Variants in BHLHE23 observed in about 807,000 individuals in gnomAD.
BHLHE23 encodes the protein class E basic helix-loop-helix protein 23.
For missense variants in BHLHE23, 401 were observed against 380.0 expected (o/e 1.06, Z -0.46); for synonymous variants, 204 against 184.4 (o/e 1.11, Z -0.86).
chr20:63,006,548 T>G lies in BHLHE23; in HGVS notation c.227A>C (p.Gln76Pro). 1 of 1,286,842 alleles carries G rather than the reference T, an allele frequency of 7.8e-7. No homozygotes were observed. Among genetic ancestry groups the G allele is most frequent in the Non-Finnish European group, 9.8e-7 (1 of 1,023,538 alleles). 79.7% of individuals were successfully genotyped at this position (1,286,842 alleles called of 1,614,324 possible). A position where few individuals can be genotyped will look rare whatever the true frequency, so the allele number is the denominator to read the frequency against. The change falls in exon 1 of 1, where the codon CAG (glutamine) becomes CCG (proline). Residue 76 changes from glutamine (Q) to proline (P), a missense_variant. By Grantham distance (76) the Gln-to-Pro change is moderately conservative. Transcript: ENST00000612929. ...PAAPAPRAPA[Q>P]AAESSGEQSG... ...CTGTTCGCCGCTGCTCTCCGCCGCC[T>G]GAGCTGGGGCGCGAGGTGCAGGCGC...
Position 63,005,927 on chromosome 20 carries a change from A to C in BHLHE23, c.*122T>G. On this transcript the variant is annotated 3_prime_UTR_variant, in exon 1 of 1. Transcript: ENST00000612929. ...AAACTGTCCACCGCGCACAGGCTGG[A>C]AGCGAAGTCGGGCCCCCTCCTCCTG... 7.1e-7 allele frequency: 1 copy of C among 1,404,592 alleles called. No homozygotes were observed. Among genetic ancestry groups the C allele is most frequent in the Non-Finnish European group, 9.2e-7 (1 of 1,085,756 alleles). The allele number at this position is 1,404,592 out of a possible 1,614,324, so 87.0% of individuals were successfully genotyped here. A position where few individuals can be genotyped will look rare whatever the true frequency, so the allele number is the denominator to read the frequency against.
At position 63,006,076 on chromosome 20, in the gene BHLHE23, A is replaced by G. The variant is rs758360728; in HGVS notation, c.699T>C (p.Leu233=). The change falls in exon 1 of 1, where the codon CTT becomes CTC. Residue 233 remains leucine, a synonymous_variant. Coordinates refer to ENST00000612929, the MANE Select transcript of BHLHE23 (RefSeq NM_080606.4). ...CAAFSGTPSA[L]CKHCHEKP ...ACGGCTTCTCGTGACAGTGTTTGCA[A>G]AGCGCGGAGGGCGTCCCGGAGAAGG... is the stretch of plus-strand genomic sequence containing the variant. 6.5e-7 allele frequency: 1 copy of G among 1,539,776 alleles called. No homozygotes were observed. The highest frequency in any genetic ancestry group is 8.7e-7 in the Non-Finnish European group (1 of 1,145,304).
chr20:63,006,494 T>G lies in BHLHE23; in HGVS notation c.281A>C (p.Gln94Pro). 2 of 1,327,004 alleles carry G rather than the reference T, an allele frequency of 1.5e-6. No homozygotes were observed. The highest frequency in any genetic ancestry group is 4.3e-5 in the South Asian group (2 of 46,822). The allele number at this position is 1,327,004 out of a possible 1,614,324, so 82.2% of individuals were successfully genotyped here. A position where few individuals can be genotyped will look rare whatever the true frequency, so the allele number is the denominator to read the frequency against. The change falls in exon 1 of 1, where the codon CAG (glutamine) becomes CCG (proline). Residue 94 changes from glutamine to proline, a missense_variant. Physicochemically the swap from Gln to Pro is moderately conservative, Grantham distance 76 (BLOSUM62 -1). Coordinates refer to ENST00000612929, the MANE Select transcript of BHLHE23 (RefSeq NM_080606.4). The part of the protein sequence containing the change: ...QSGDEDDAFE[Q>P]RRRRRGPGSA... ...CCCTGGCCCGCGCCGCCGCCGCCGC[T>G]GCTCGAAGGCGTCGTCCTCGTCCCC...
At position 63,006,606 on chromosome 20, in the gene BHLHE23, C is replaced by G; in HGVS notation, c.169G>C (p.Gly57Arg). The part of the protein sequence containing the change: ...AREPEAARGY[G>R]TPGPGGDLPA... ...AGGTCGCCGCCCGGGCCCGGAGTGC[C>G]GTAGCCGCGGGCCGCTTCGGGTTCT... Residue 57 changes from glycine (G) to arginine (R), a missense_variant, in exon 1 of 1, where the codon GGC (glycine) becomes CGC (arginine). Gly to Arg is a moderately radical substitution (Grantham distance 125, BLOSUM62 -2). Coordinates refer to ENST00000612929, the MANE Select transcript of BHLHE23 (RefSeq NM_080606.4). 7.5e-7 allele frequency: 1 copy of G among 1,339,378 alleles called. No individual in the cohort carries two copies. Among genetic ancestry groups the G allele is most frequent in the Non-Finnish European group, 9.6e-7 (1 of 1,045,644 alleles). The allele number at this position is 1,339,378 out of a possible 1,614,324, so 83.0% of individuals were successfully genotyped here. A position where few individuals can be genotyped will look rare whatever the true frequency, so the allele number is the denominator to read the frequency against.
chr20:63,006,028 G>A lies in BHLHE23; in HGVS notation c.*21C>T, dbSNP rs1363873579. 12 of 1,495,820 alleles carry A rather than the reference G, an allele frequency of 8.0e-6. No individual in the cohort carries two copies. Among genetic ancestry groups the A allele is most frequent in the Non-Finnish European group, 1.1e-5 (12 of 1,128,122 alleles). 92.7% of individuals were successfully genotyped at this position (1,495,820 alleles called of 1,614,324 possible). A position where few individuals can be genotyped will look rare whatever the true frequency, so the allele number is the denominator to read the frequency against. On this transcript the variant is annotated 3_prime_UTR_variant, in exon 1 of 1. Transcript: ENST00000612929. ...AGGGGCGATCGGAGGACGCGTGCGG[G>A]AGGGCCGGGGGCCCGCGCGGTCACG...
In BHLHE23 at chr20:63,006,626, G is replaced by C. The variant is rs1325271258; in HGVS notation, c.149C>G (p.Pro50Arg). The change falls in exon 1 of 1, where the codon CCC becomes CGC. Residue 50 changes from proline to arginine, a missense_variant. By Grantham distance (103) the Pro-to-Arg change is moderately radical. Coordinates refer to ENST00000612929, the MANE Select transcript of BHLHE23 (RefSeq NM_080606.4). The stretch of plus-strand genomic sequence containing the variant: ...AGTGCCGTAGCCGCGGGCCGCTTCG[G>C]GTTCTCGCGCCGCCCCGTAGGCGAG... ...AGLAYGAARE[P>R]EAARGYGTPG... 1 of 1,349,912 alleles carries C rather than the reference G, an allele frequency of 7.4e-7. No individual in the cohort carries two copies. The highest frequency in any genetic ancestry group is 9.5e-7 in the Non-Finnish European group (1 of 1,050,532). The allele number at this position is 1,349,912 out of a possible 1,614,324, so 83.6% of individuals were successfully genotyped here.
chr20:63,006,889 C>T lies in BHLHE23; in HGVS notation c.-115G>A, dbSNP rs2065794237. ...GCCTGCGGGTCCCAGAGCCTCGGCG[C>T]CCGCTGCCTCCTCCGCCTCTTCCTT... On this transcript the variant is annotated 5_prime_UTR_variant, in exon 1 of 1. Transcript: ENST00000612929. The T allele has an allele frequency of 7.4e-6, 9 of 1,221,018 alleles. No homozygotes were observed. Among genetic ancestry groups the T allele is most frequent in the Middle Eastern group, 3.2e-4 (1 of 3,158 alleles). 75.6% of individuals were successfully genotyped at this position (1,221,018 alleles called of 1,614,324 possible). A position where few individuals can be genotyped will look rare whatever the true frequency, so the allele number is the denominator to read the frequency against.
At position 63,006,472 on chromosome 20, in the gene BHLHE23, T is replaced by C; in HGVS notation, c.303A>G (p.Pro101=). The part of the protein sequence containing the change: ...AFEQRRRRRG[P]GSAADGRRRP... ...GCCGCCGCCCGTCCGCCGCGCTCCCTGGCCCGCGCCGCCGCCGCCGCTGCT... is the reference window on the plus strand; with the variant it reads ...GCCGCCGCCCGTCCGCCGCGCTCCCCGGCCCGCGCCGCCGCCGCCGCTGCT... The change falls in exon 1 of 1, where the codon CCA becomes CCG. Residue 101 remains proline (P), a synonymous_variant. Transcript: ENST00000612929. 7.4e-7 allele frequency: 1 copy of C among 1,343,196 alleles called. No homozygotes were observed. Among genetic ancestry groups the C allele is most frequent in the Non-Finnish European group, 9.4e-7 (1 of 1,058,388 alleles). 83.2% of individuals were successfully genotyped at this position (1,343,196 alleles called of 1,614,324 possible). A position where few individuals can be genotyped will look rare whatever the true frequency, so the allele number is the denominator to read the frequency against.
chr20:63,006,830 A>T lies in BHLHE23; in HGVS notation c.-56T>A. 4.1e-6 allele frequency: 5 copies of T among 1,232,418 alleles called. No homozygotes were observed. The highest frequency in any genetic ancestry group is 5.1e-6 in the Non-Finnish European group (5 of 987,364). 76.3% of individuals were successfully genotyped at this position (1,232,418 alleles called of 1,614,324 possible). On this transcript the variant is annotated 5_prime_UTR_variant, in exon 1 of 1. Transcript: ENST00000612929. ...GCCCGCCGCTGCCGCTGCCGCTGCGATGAGGCTCCCGGCTCTGCGCGTCGG... is the reference window on the plus strand; with the variant it reads ...GCCCGCCGCTGCCGCTGCCGCTGCGTTGAGGCTCCCGGCTCTGCGCGTCGG...
chr20:63,006,695 G>T lies in BHLHE23; in HGVS notation c.80C>A (p.Ala27Glu), dbSNP rs756657572. Residue 27 changes from alanine (A) to glutamate (E), a missense_variant, in exon 1 of 1, where the codon GCG becomes GAG. Transcript: ENST00000612929. ...MAELKSLSGD[A>E]YLALSHGYAA... ...GTAGCCGTGGCTTAGTGCCAGGTAC[G>T]CGTCCCCCGACAGCGACTTGAGCTC... The T allele has an allele frequency of 4.3e-5, 59 of 1,367,300 alleles. No homozygotes were observed. In the Middle Eastern group the frequency reaches 1.3e-3, roughly 31 times the overall value. 84.7% of individuals were successfully genotyped at this position (1,367,300 alleles called of 1,614,324 possible). A position where few individuals can be genotyped will look rare whatever the true frequency, so the allele number is the denominator to read the frequency against.
In BHLHE23 at chr20:63,006,124, C is replaced by T. The variant is rs572814191; in HGVS notation, c.651G>A (p.Gly217=). The T allele has an allele frequency of 2.6e-6, 4 of 1,547,994 alleles. No individual in the cohort carries two copies. Among genetic ancestry groups the T allele is most frequent in the African/African-American group, 1.4e-5 (1 of 73,124 alleles). Residue 217 remains glycine, a synonymous_variant, in exon 1 of 1, where the codon GGG becomes GGA. Coordinates refer to ENST00000612929, the MANE Select transcript of BHLHE23 (RefSeq NM_080606.4). ...AGGCGGCGCACTTGTCAGGGCAGGGCCCCAGGGCGGCGCCTGCGGAGAAGG... is the reference window on the plus strand; with the variant it reads ...AGGCGGCGCACTTGTCAGGGCAGGGTCCCAGGGCGGCGCCTGCGGAGAAGG... ...VCPFSAGAAL[G]PCPDKCAAFS... is the part of the protein sequence containing the mutation.
chr20:63,006,169 G>GAAGGGCGTC lies in BHLHE23; in HGVS notation c.597_605dup (p.Leu199_Pro201dup). 1.3e-6 allele frequency: 2 copies of GAAGGGCGTC among 1,564,216 alleles called. No individual in the cohort carries two copies. Among genetic ancestry groups the GAAGGGCGTC allele is most frequent in the South Asian group, 2.3e-5 (2 of 85,782 alleles). On this transcript the variant is annotated inframe_insertion, in exon 1 of 1. Coordinates refer to ENST00000612929, the MANE Select transcript of BHLHE23 (RefSeq NM_080606.4). Reference sequence around the variant, plus strand: ...AGAAGGGGCACACAGTGGCCTGGCCGAAGGGCGTCAAGGGCGCGGCGTTTA... The same window carrying GAAGGGCGTC: ...AGAAGGGGCACACAGTGGCCTGGCCGAAGGGCGTCAAGGGCGTCAAGGGCGCGGCGTTTA...
chr20:63,006,576 CG>C lies in BHLHE23; in HGVS notation c.198del (p.Ala67ArgfsTer66). On this transcript the variant is annotated frameshift_variant, in exon 1 of 1. Coordinates refer to ENST00000612929, the MANE Select transcript of BHLHE23 (RefSeq NM_080606.4). LOFTEE classifies it low-confidence loss of function (END_TRUNC). ...YGTPGPGGDL[P>X]AAPAPRAPAQ... ...GCTGGGGCGCGAGGTGCAGGCGCCG[CG>C]GGGAGGTCGCCGCCCGGGCCCGGAG... is the stretch of plus-strand genomic sequence containing the variant. 1 of 1,296,230 alleles carries C rather than the reference CG, an allele frequency of 7.7e-7. No individual in the cohort carries two copies. 80.3% of individuals were successfully genotyped at this position (1,296,230 alleles called of 1,614,324 possible). A position where few individuals can be genotyped will look rare whatever the true frequency, so the allele number is the denominator to read the frequency against.
In BHLHE23 at chr20:63,006,405, G is replaced by T; in HGVS notation, c.370C>A (p.Arg124Ser). 1.3e-6 allele frequency: 2 copies of T among 1,583,624 alleles called. No individual in the cohort carries two copies. Among genetic ancestry groups the T allele is most frequent in the Non-Finnish European group, 1.7e-6 (2 of 1,172,188 alleles). ...QRSLRLSINA[R>S]ERRRMHDLND... ...AGGTCGTGCATGCGCCGCCGCTCGC[G>T]CGCGTTGATGCTGAGCCGCAGAGAC... is the stretch of plus-strand genomic sequence containing the variant. Residue 124 changes from arginine (R) to serine (S), a missense_variant, in exon 1 of 1, where the codon CGC (arginine) becomes AGC (serine). Coordinates refer to ENST00000612929, the MANE Select transcript of BHLHE23 (RefSeq NM_080606.4).
Position 63,006,576 on chromosome 20 carries a change from C to CG in BHLHE23, c.198dup (p.Ala67ArgfsTer155). 1.5e-6 allele frequency: 2 copies of CG among 1,296,232 alleles called. No individual in the cohort carries two copies. The highest frequency in any genetic ancestry group is 2.0e-6 in the Non-Finnish European group (2 of 1,025,452). 80.3% of individuals were successfully genotyped at this position (1,296,232 alleles called of 1,614,324 possible). Reference sequence around the variant, plus strand: ...GCTGGGGCGCGAGGTGCAGGCGCCGCGGGGAGGTCGCCGCCCGGGCCCGGA... The same window carrying CG: ...GCTGGGGCGCGAGGTGCAGGCGCCGCGGGGGAGGTCGCCGCCCGGGCCCGGA... On this transcript the variant is annotated frameshift_variant, in exon 1 of 1. Coordinates refer to ENST00000612929, the MANE Select transcript of BHLHE23 (RefSeq NM_080606.4). LOFTEE classifies it low-confidence loss of function (END_TRUNC).
rs2065790659 is a variant in BHLHE23, at chr20:63,006,273, G to A, written c.502C>T (p.Leu168Phe). ...ATLLLAKNYI[L>F]MQAQALDEMR... ...TCGTCCAGGGCCTGCGCCTGCATGA[G>A]GATATAGTTCTTGGCGAGCAGCAGC... is the stretch of plus-strand genomic sequence containing the variant. The change falls in exon 1 of 1, where the codon CTC becomes TTC. Residue 168 changes from leucine to phenylalanine, a missense_variant. By Grantham distance (22) the Leu-to-Phe change is conservative (BLOSUM62 0). Coordinates refer to ENST00000612929, the MANE Select transcript of BHLHE23 (RefSeq NM_080606.4). The A allele has an allele frequency of 5.0e-6, 8 of 1,611,470 alleles. No homozygotes were observed. In the East Asian group the frequency reaches 1.6e-4, roughly 31 times the overall value.
In BHLHE23 at chr20:63,006,519, C is replaced by T. The variant is rs1219932238; in HGVS notation, c.256G>A (p.Gly86Arg). The T allele has an allele frequency of 1.5e-6, 2 of 1,315,894 alleles. No individual in the cohort carries two copies. Among genetic ancestry groups the T allele is most frequent in the African/African-American group, 1.6e-5 (1 of 64,356 alleles). 81.5% of individuals were successfully genotyped at this position (1,315,894 alleles called of 1,614,324 possible). ...TGCTCGAAGGCGTCGTCCTCGTCCCCGCTCTGTTCGCCGCTGCTCTCCGCC... is the reference window on the plus strand; with the variant it reads ...TGCTCGAAGGCGTCGTCCTCGTCCCTGCTCTGTTCGCCGCTGCTCTCCGCC... ...QAAESSGEQS[G>R]DEDDAFEQRR... The change falls in exon 1 of 1, where the codon GGG becomes AGG. Residue 86 changes from glycine to arginine, a missense_variant. Gly to Arg is a moderately radical substitution (Grantham distance 125). Transcript: ENST00000612929.
At position 63,006,664 on chromosome 20, in the gene BHLHE23, CGCCGCGTAGCCGTG is replaced by C; in HGVS notation, c.97_110del (p.His33GlyfsTer184). On this transcript the variant is annotated frameshift_variant, in exon 1 of 1. Coordinates refer to ENST00000612929, the MANE Select transcript of BHLHE23 (RefSeq NM_080606.4). LOFTEE classifies it low-confidence loss of function (END_TRUNC). ...CCCCGTAGGCGAGACCCGCAGCCGC[CGCCGCGTAGCCGTG>C]GCTTAGTGCCAGGTACGCGTCCCCC... 7.3e-7 allele frequency: 1 copy of C among 1,371,992 alleles called. No homozygotes were observed. The highest frequency in any genetic ancestry group is 9.4e-7 in the Non-Finnish European group (1 of 1,062,012). The allele number at this position is 1,371,992 out of a possible 1,614,324, so 85.0% of individuals were successfully genotyped here.
At position 63,006,668 on chromosome 20, in the gene BHLHE23, G is replaced by T; in HGVS notation, c.107C>A (p.Ala36Glu). The T allele has an allele frequency of 7.3e-7, 1 of 1,371,252 alleles. No individual in the cohort carries two copies. The highest frequency in any genetic ancestry group is 1.7e-5 in the South Asian group (1 of 60,414). The allele number at this position is 1,371,252 out of a possible 1,614,324, so 84.9% of individuals were successfully genotyped here. Residue 36 changes from alanine to glutamate, a missense_variant, in exon 1 of 1, where the codon GCG (alanine) becomes GAG (glutamate). Coordinates refer to ENST00000612929, the MANE Select transcript of BHLHE23 (RefSeq NM_080606.4). ...GTAGGCGAGACCCGCAGCCGCCGCC[G>T]CGTAGCCGTGGCTTAGTGCCAGGTA... is the stretch of plus-strand genomic sequence containing the variant. ...DAYLALSHGY[A>E]AAAAGLAYGA...
Sources: gnomAD v4.1 joint callset for allele counts on GRCh38, gnomAD v4.1.1 for gene constraint, MANE v1.5 for transcripts, NCBI Gene and HGNC (gene_info 2026-07-23, HGNC 2026-07-21) for gene names.